Variants in CD276 observed in about 807,000 individuals in gnomAD.
The protein encoded by CD276 is CD276 antigen.
Under a neutral mutation model 50.0 loss-of-function variants are expected in CD276, and 34 were observed. The observed-to-expected ratio is 0.68, with a 90% CI of 0.52 to 0.91. The LOEUF (loss-of-function observed/expected upper bound fraction) is 0.91, where lower values mean the gene tolerates loss of function less well. CD276 is among the 40% of genes least tolerant of loss of function. CD276 has a pLI of 0.00. For synonymous variants in CD276, 275 were observed against 313.0 expected (o/e 0.88, Z 1.28); for missense variants, 634 against 717.5 (o/e 0.88, Z 1.33).
rs142467528 is a variant in CD276 at position 73,695,679 on chromosome 15, T to A, written c.-54-3907T>A. Among the ~76,000 whole-genome samples, 87 of 152,364 alleles carry A rather than the reference T, an allele frequency of 5.7e-4. No individual in the cohort carries two copies. The East Asian group carries it at 0.014, about 25-fold the overall frequency. On this transcript the variant is annotated intron_variant, in intron 1 of 9. Coordinates refer to ENST00000318443, the MANE Select transcript of CD276 (RefSeq NM_001024736.2). Reference sequence around the variant, plus strand: ...TCCTTCGGTTGCAGACAATAGAAACTTAGTTCAAACTGGTTTAAGGGAAAA... The same window carrying A: ...TCCTTCGGTTGCAGACAATAGAAACATAGTTCAAACTGGTTTAAGGGAAAA...
At chr15:73,693,300 C>T (rs1900053318) in intron 1 of CD276, among the ~76,000 whole-genome samples, 1 of 152,092 alleles carries the variant, frequency 6.6e-6, no homozygotes, top group African/African-American at 2.4e-5. Context: ...CCAGAACAGT[C>T]AAAAGAGTAC....
Position 73,687,627 on chromosome 15 carries a change from T to C in CD276, c.-55+3167T>C, listed in dbSNP as rs1036924154. 1.3e-5 allele frequency among the ~76,000 whole-genome samples: 2 copies of C among 152,200 alleles called. No homozygotes were observed. Among genetic ancestry groups the C allele is most frequent in the Non-Finnish European group, 2.9e-5 (2 of 68,044 alleles). On this transcript the variant is annotated intron_variant, in intron 1 of 9. Coordinates refer to ENST00000318443, the MANE Select transcript of CD276 (RefSeq NM_001024736.2). The surrounding 1 kb of genome is among the most constrained non-coding windows in gnomAD (Gnocchi z 4.0). The stretch of plus-strand genomic sequence containing the variant: ...TCTTCTCTTCCAGAGCCCTGGACTT[T>C]ATCATGCTGGGGCTTCCAGGAGTTC...
chr15:73,702,538 C>T lies in CD276; in HGVS notation c.363C>T (p.Thr121=), dbSNP rs764099899. 14 of 1,612,356 alleles carry T rather than the reference C, an allele frequency of 8.7e-6. 1 individual carries two copies. The Middle Eastern group carries it at 1.8e-3, about 209-fold the overall frequency. Residue 121 remains threonine (T), a synonymous_variant, in exon 3 of 10, where the codon ACC becomes ACT. Transcript: ENST00000318443. The part of the protein sequence containing the change: ...RVRVADEGSF[T]CFVSIRDFGS... ...GTGTGGCGGACGAGGGCAGCTTCAC[C>T]TGCTTCGTGAGCATCCGGGATTTCG...
In CD276 at chr15:73,702,604, G is replaced by A. The variant is rs953858523; in HGVS notation, c.418+11G>A. ...GCCTGCAGGTGGCCGGTGAGCACCAGGAGGGGGACGCCTTCCCCTTAGTTC... is the reference window on the plus strand; with the variant it reads ...GCCTGCAGGTGGCCGGTGAGCACCAAGAGGGGGACGCCTTCCCCTTAGTTC... On this transcript the variant is annotated intron_variant, in intron 3 of 9. Transcript: ENST00000318443. The A allele has an allele frequency of 5.0e-6, 8 of 1,599,798 alleles. No homozygotes were observed. In the African/African-American group the frequency reaches 6.7e-5, roughly 13 times the overall value.
In CD276 at chr15:73,703,081, C is replaced by T. The variant is rs1900480350; in HGVS notation, c.728C>T (p.Pro243Leu). 5 of 1,592,514 alleles carry T rather than the reference C, an allele frequency of 3.1e-6. No individual in the cohort carries two copies. In the East Asian group the frequency reaches 1.1e-4, roughly 36 times the overall value. Residue 243 changes from proline to leucine, a missense_variant, in exon 4 of 10, where the codon CCC becomes CTC. Physicochemically the swap from Pro to Leu is moderately conservative, Grantham distance 98. Transcript: ENST00000318443. ...GTCACCATCACACCCCAGAGAAGCCCCACAGGTTGCTTTGCTTAAATGTCC... is the reference window on the plus strand; with the variant it reads ...GTCACCATCACACCCCAGAGAAGCCTCACAGGTTGCTTTGCTTAAATGTCC... ...SSVTITPQRS[P>L]TGAVEVQVPE...
chr15:73,693,637 T>C (rs1900064547), intron 1 of CD276, among the ~76,000 whole-genome samples: 1 of 152,114 alleles, frequency 6.6e-6, no homozygotes, highest in African/African-American at 2.4e-5. Flanking sequence ...TTTTGGTGAA[T>C]GGTGTGACAT....
rs111231801 is a variant in CD276, at chr15:73,710,913, C to G, written c.1547-222C>G. On this transcript the variant is annotated intron_variant, in intron 8 of 9. Coordinates refer to ENST00000318443, the MANE Select transcript of CD276 (RefSeq NM_001024736.2). ...TGTCCCATTCTATAGATGCAGAAAACTAAGGCCCAGAGAGGAGAATGACAA... is the reference window on the plus strand; with the variant it reads ...TGTCCCATTCTATAGATGCAGAAAAGTAAGGCCCAGAGAGGAGAATGACAA... 8.5e-3 allele frequency among the ~76,000 whole-genome samples: 1,288 copies of G among 152,262 alleles called. 9 individuals carry two copies. Among genetic ancestry groups the G allele is most frequent in the African/African-American group, 0.029 (1,225 of 41,538 alleles).
chr15:73,709,539 C>A, intron 7 of CD276, 109 bp from the exon 8 acceptor site: 2 of 1,068,862 alleles, frequency 1.9e-6, no homozygotes, highest in Non-Finnish European at 2.9e-6. Context: ...GCAGGTCAGG[C>A]CCACTCAGGC....
Position 73,701,305 on chromosome 15 carries a change from G to A in CD276, c.80-950G>A, listed in dbSNP as rs921692355. On this transcript the variant is annotated intron_variant, in intron 2 of 9. Coordinates refer to ENST00000318443, the MANE Select transcript of CD276 (RefSeq NM_001024736.2). Reference sequence around the variant, plus strand: ...ACCTCTTACAGGGACAGCTGAAACCGCCCCTAACTGGCCTCCCCCTTGCCC... The same window carrying A: ...ACCTCTTACAGGGACAGCTGAAACCACCCCTAACTGGCCTCCCCCTTGCCC... Among the ~76,000 whole-genome samples the A allele has an allele frequency of 1.0e-3, 156 of 152,066 alleles. 2 individuals are homozygous for A. The highest frequency in any genetic ancestry group is 0.01 in the Admixed American group (153 of 15,284).
At position 73,703,068 on chromosome 15, in the gene CD276, C is replaced by A. The variant is rs772535341; in HGVS notation, c.715C>A (p.Pro239Thr). 13 of 1,604,752 alleles carry A rather than the reference C, an allele frequency of 8.1e-6. No homozygotes were observed. The highest frequency in any genetic ancestry group is 3.4e-5 in the Admixed American group (2 of 58,810). Residue 239 changes from proline to threonine, a missense_variant, in exon 4 of 10, where the codon CCC becomes ACC. Pro to Thr is a conservative substitution (Grantham distance 38). Coordinates refer to ENST00000318443, the MANE Select transcript of CD276 (RefSeq NM_001024736.2). ...TGCGCACAGCTCTGTCACCATCACA[C>A]CCCAGAGAAGCCCCACAGGTTGCTT... ...QDAHSSVTITPQRSPTGAVEV... is the reference protein window; with the variant it reads ...QDAHSSVTITTQRSPTGAVEV...
At chr15:73,708,565 T>G in intron 7 of CD276, 92 bp downstream of exon 7, 1 of 1,406,378 alleles carries the variant, frequency 7.1e-7, no homozygotes, top group Non-Finnish European at 9.7e-7. Flanking sequence ...TGTCACTTTC[T>G]AGTGACAGAA....
intron 1 of CD276, chr15:73,697,678 C>T (rs1900229371): frequency 6.6e-6 from 1 of 151,074 alleles, no homozygotes; most frequent in South Asian, 2.1e-4. Flanking sequence ...AAGCAATTCT[C>T]CTGCCTCAGC....
At chr15:73,691,278 C>A (rs1475490751) in intron 1 of CD276, among the ~76,000 whole-genome samples, 2 of 151,996 alleles carry the variant, frequency 1.3e-5, no homozygotes, top group African/African-American at 2.4e-5. Flanking sequence ...ATGTGTGCAG[C>A]TTGCTTCAGG....
chr15:73,706,444 A>G (rs1900654851), intron 6 of CD276, among the ~76,000 whole-genome samples: 1 of 149,764 alleles, frequency 6.7e-6, no homozygotes, highest in Non-Finnish European at 1.5e-5. Context: ...AGCAGTTTGC[A>G]CATAACTCTG....
chr15:73,693,543 T>C (rs533231652), intron 1 of CD276, among the ~76,000 whole-genome samples: 3 of 152,200 alleles, frequency 2.0e-5, no homozygotes, highest in Non-Finnish European at 4.4e-5. Context: ...CAGAAGAGGA[T>C]GGCAGAGGTG....
Position 73,689,188 on chromosome 15 carries a change from C to CTGTGTGTGTG in CD276, c.-55+4760_-55+4769dup, listed in dbSNP as rs58196751. On this transcript the variant is annotated intron_variant, in intron 1 of 9. Transcript: ENST00000318443. Reference sequence around the variant, plus strand: ...CACTTTTTTCAGGGCTCTGTGCCTCCTGTGTGTGTGTGTGTGTGTGTGTGT... The same window carrying CTGTGTGTGTG: ...CACTTTTTTCAGGGCTCTGTGCCTCCTGTGTGTGTGTGTGTGTGTGTGTGTGTGTGTGTGT... Among the ~76,000 whole-genome samples, 838 of 142,700 alleles carry CTGTGTGTGTG rather than the reference C, an allele frequency of 5.9e-3. 14 individuals are homozygous for CTGTGTGTGTG. Among genetic ancestry groups the CTGTGTGTGTG allele is most frequent in the East Asian group, 0.04 (191 of 4,722 alleles). The allele number at this position is 142,700 out of a possible 152,430, so 93.6% of individuals were successfully genotyped here.
intron 1 of CD276, among the ~76,000 whole-genome samples, chr15:73,698,712 C>G (rs1018927571): frequency 6.6e-6 from 1 of 152,160 alleles, no homozygotes; most frequent in Non-Finnish European, 1.5e-5. Context: ...AGGTGCCCAC[C>G]ACCATGCCCA....
chr15:73,711,237 G>A (rs777913572), intron 9 of CD276, 67 bp downstream of exon 9: 1 of 1,548,828 alleles, frequency 6.5e-7, no homozygotes, highest in Non-Finnish European at 8.9e-7. Context: ...GGCTGAGAGG[G>A]TGGGTAGGCA....
chr15:73,695,745 G>A (rs1442822825), intron 1 of CD276, among the ~76,000 whole-genome samples: 1 of 152,252 alleles, frequency 6.6e-6, no homozygotes, highest in African/African-American at 2.4e-5. Context: ...TAGGTCTGCA[G>A]CTTGCTTCAG....
Sources: gnomAD v4.1 joint callset for allele counts (sites outside exome capture counted in the v4.1 genomes callset) on GRCh38, gnomAD v4.1.1 for gene constraint, Gnocchi (gnomAD v3.1) non-coding constraint, MANE v1.5 for transcripts, NCBI Gene and HGNC (gene_info 2026-07-23, HGNC 2026-07-21) for gene names.